Variants in GPR89A observed in about 807,000 individuals in gnomAD.
GPR89A encodes golgi pH regulator A, also known as G protein-coupled receptor 89A.
In GPR89A, 16 loss-of-function variants were observed where a neutral mutation model predicts 52.0. The observed-to-expected ratio is 0.31, with a 90% confidence interval of 0.21 to 0.47. The LOEUF (loss-of-function observed/expected upper bound fraction) is 0.47. Among genes scored for constraint, GPR89A ranks in the 20% least tolerant of loss-of-function variants. The pLI is 1.00. For missense variants in GPR89A, 135 were observed against 449.4 expected (o/e 0.30, Z 6.33); for synonymous variants, 55 against 150.9 (o/e 0.36, Z 4.66).
intron 10 of GPR89A, among the ~76,000 whole-genome samples, chr1:145,658,036 C>T (rs1651931679): frequency 6.6e-6 from 1 of 151,616 alleles, no homozygotes; most frequent in East Asian, 1.9e-4. Flanking sequence ...TTCCCACTCC[C>T]TCAGCCCTTA....
At chr1:145,639,349 G>A (rs1158662802) in intron 7 of GPR89A, among the ~76,000 whole-genome samples, 2 of 152,050 alleles carry the variant, frequency 1.3e-5, no homozygotes, top group African/African-American at 4.8e-5. Flanking sequence ...AACAGTATGA[G>A]AGGAATTCCT....
At chr1:145,655,183 A>C (rs1651727988) in intron 10 of GPR89A, among the ~76,000 whole-genome samples, 2 of 151,658 alleles carry the variant, frequency 1.3e-5, no homozygotes, top group South Asian at 4.2e-4. Context: ...TATTCTGGTT[A>C]ACAGCTCCTA....
At chr1:145,608,380 C>T in intron 1 of GPR89A, 4 of 973,944 alleles carry the variant, frequency 4.1e-6, no homozygotes, top group Non-Finnish European at 6.1e-6. Context: ...CTGCGGCCGT[C>T]CGCGTCCCCA....
At position 145,662,481 on chromosome 1, in the gene GPR89A, T is replaced by G. The variant is rs1355367887; in HGVS notation, c.910-848T>G. Among the ~76,000 whole-genome samples the G allele has an allele frequency of 5.9e-5, 9 of 152,192 alleles. No individual in the cohort carries two copies. In the South Asian group the frequency reaches 1.2e-3, roughly 21 times the overall value. On this transcript the variant is annotated intron_variant, in intron 10 of 13. Transcript: ENST00000313835. ...CTTTTAACCTATTTGTATCTTTATA[T>G]TTATTAAAGTGGTTTTTTCATAAGG...
intron 1 of GPR89A, 99 bp downstream of exon 1, chr1:145,608,274 T>C: frequency 1.3e-5 from 19 of 1,509,464 alleles, no homozygotes; most frequent in Non-Finnish European, 1.7e-5. Context: ...GTCTCGCTCC[T>C]CTCTTACGCG....
chr1:145,636,013 G>A (rs1553690678), intron 7 of GPR89A, among the ~76,000 whole-genome samples: 1 of 151,526 alleles, frequency 6.6e-6, no homozygotes, highest in African/African-American at 2.4e-5. Flanking sequence ...ATACTTTTAA[G>A]CCATTTCATA....
rs1301152208 is a variant in GPR89A, at chr1:145,647,117, T to C, written c.817-58T>C. Reference sequence around the variant, plus strand: ...TGATTCATAGAGGGAAGAATACTTGTGTTGAATATAAATTTATATTTTGCT... The same window carrying C: ...TGATTCATAGAGGGAAGAATACTTGCGTTGAATATAAATTTATATTTTGCT... On this transcript the variant is annotated intron_variant, in intron 9 of 13. Transcript: ENST00000313835. 11 of 1,532,918 alleles carry C rather than the reference T, an allele frequency of 7.2e-6. No individual in the cohort carries two copies. In the Admixed American group the frequency reaches 2.3e-4, roughly 32 times the overall value. The allele number at this position is 1,532,918 out of a possible 1,614,324, so 95.0% of individuals were successfully genotyped here. A position where few individuals can be genotyped will look rare whatever the true frequency, so the allele number is the denominator to read the frequency against.
In GPR89A at chr1:145,634,102, C is replaced by T. The variant is rs1477781147; in HGVS notation, c.617+2358C>T. Among the ~76,000 whole-genome samples, 11 of 132,604 alleles carry T rather than the reference C, an allele frequency of 8.3e-5. No individual in the cohort carries two copies. The South Asian group carries it at 9.8e-4, about 12-fold the overall frequency. 87.0% of individuals were successfully genotyped at this position (132,604 alleles called of 152,430 possible). A position where few individuals can be genotyped will look rare whatever the true frequency, so the allele number is the denominator to read the frequency against. On this transcript the variant is annotated intron_variant, in intron 7 of 13. Coordinates refer to ENST00000313835, the MANE Select transcript of GPR89A (RefSeq NM_001097612.2). The stretch of plus-strand genomic sequence containing the variant: ...TTGTGTTTTTTTTTTTTTTTTAAGA[C>T]GGAGTCTCACTCTGTTGCCCAGGCT...
At chr1:145,647,348 T>C (rs1193424506) in intron 10 of GPR89A, 81 bp downstream of exon 10, 62 of 1,569,458 alleles carry the variant, frequency 4.0e-5, no homozygotes, top group Non-Finnish European at 4.7e-5. Flanking sequence ...ATTTGACTGA[T>C]ATATTGAACT....
In GPR89A at chr1:145,610,440, C is replaced by T. The variant is rs1344578213; in HGVS notation, c.42+2265C>T. ...CCTGAACTTCTTTTAGTTCCCTAACCTGGCGATGCTATGGTGCCTCCAGAT... is the reference window on the plus strand; with the variant it reads ...CCTGAACTTCTTTTAGTTCCCTAACTTGGCGATGCTATGGTGCCTCCAGAT... On this transcript the variant is annotated intron_variant, in intron 1 of 13. Coordinates refer to ENST00000313835, the MANE Select transcript of GPR89A (RefSeq NM_001097612.2). Among the ~76,000 whole-genome samples the T allele has an allele frequency of 7.2e-5, 11 of 152,098 alleles. No individual in the cohort carries two copies. The South Asian group carries it at 1.9e-3, about 26-fold the overall frequency.
At chr1:145,609,830 C>G (rs185913255) in intron 1 of GPR89A, among the ~76,000 whole-genome samples, 24 of 152,236 alleles carry the variant, frequency 1.6e-4, no homozygotes, top group East Asian at 1.2e-3. Context: ...CCCAAAGATT[C>G]CTTTGCATGG....
At chr1:145,666,710 C>T (rs1652588944) in intron 12 of GPR89A, among the ~76,000 whole-genome samples, 2 of 126,234 alleles carry the variant, frequency 1.6e-5, no homozygotes, top group Non-Finnish European at 3.3e-5. Flanking sequence ...CCCCTCCCCC[C>T]ACCCCACGAC....
chr1:145,608,038 G>A lies in GPR89A; in HGVS notation c.-96G>A, dbSNP rs1269526145. On this transcript the variant is annotated 5_prime_UTR_variant, in exon 1 of 14. Transcript: ENST00000313835. ...AGCCGCAGTCCCGGCTGCAGCACCT[G>A]GGAGAAGGCAGACCGTGTGAGGGGG... 2.0e-6 allele frequency: 3 copies of A among 1,471,532 alleles called. No individual in the cohort carries two copies. Among genetic ancestry groups the A allele is most frequent in the African/African-American group, 2.8e-5 (2 of 70,226 alleles). The allele number at this position is 1,471,532 out of a possible 1,614,324, so 91.2% of individuals were successfully genotyped here.
intron 5 of GPR89A, among the ~76,000 whole-genome samples, chr1:145,625,141 G>A (rs1299728554): frequency 3.3e-5 from 5 of 151,964 alleles, no homozygotes; most frequent in African/African-American, 1.2e-4. Flanking sequence ...AAAAGCATAT[G>A]CAATACCATA....
chr1:145,612,359 C>G (rs1648355658), intron 1 of GPR89A: 2 of 152,292 alleles, frequency 1.3e-5, no homozygotes, highest in African/African-American at 2.4e-5. Context: ...TTCCCCTACT[C>G]CGGTTTAAAG....
At chr1:145,616,476 C>T (rs1383944238) in intron 2 of GPR89A, among the ~76,000 whole-genome samples, 183 bp downstream of exon 2, 2 of 151,870 alleles carry the variant, frequency 1.3e-5, no homozygotes, top group Admixed American at 6.6e-5. Flanking sequence ...GGAAAAAAGG[C>T]AAATCAAATA....
At chr1:145,614,648 T>C (rs1571462622) in intron 1 of GPR89A, among the ~76,000 whole-genome samples, 2 of 151,958 alleles carry the variant, frequency 1.3e-5, no homozygotes, top group South Asian at 4.2e-4. Flanking sequence ...TAATCTAATG[T>C]CAAAAAATAT....
At chr1:145,620,264 G>A (rs1476300912) in intron 3 of GPR89A, among the ~76,000 whole-genome samples, 4 of 152,158 alleles carry the variant, frequency 2.6e-5, no homozygotes, top group Admixed American at 6.5e-5. Flanking sequence ...CTCTGCTGTT[G>A]TAGAGAGAAA....
intron 1 of GPR89A, among the ~76,000 whole-genome samples, chr1:145,610,181 A>G (rs1253316156): frequency 6.6e-6 from 1 of 151,852 alleles, no homozygotes; most frequent in Non-Finnish European, 1.5e-5. Context: ...AGGTGTGGTT[A>G]CCTTGGAAAC....
Sources: gnomAD v4.1 joint callset for allele counts (sites outside exome capture counted in the v4.1 genomes callset) on GRCh38, gnomAD v4.1.1 for gene constraint, MANE v1.5 for transcripts, NCBI Gene and HGNC (gene_info 2026-07-23, HGNC 2026-07-21) for gene names.